Variants in FLVCR2 observed in about 807,000 individuals in gnomAD.
The protein encoded by FLVCR2 is choline/ethanolamine transporter FLVCR2.
Under a neutral mutation model 48.9 loss-of-function variants are expected in FLVCR2, and 38 were observed. The ratio of observed to expected loss-of-function variants is 0.78; its 90% CI spans 0.60 to 1.02. The LOEUF (loss-of-function observed/expected upper bound fraction) is 1.02, where lower values mean the gene tolerates loss of function less well. Ranked by LOEUF, FLVCR2 falls within the 50% of genes least tolerant of loss-of-function variation. The pLI is 0.00. For missense variants in FLVCR2, 664 were observed against 663.3 expected, an observed-to-expected ratio of 1.00 and a Z score of -0.01; for synonymous variants, 255 against 257.0, an observed-to-expected ratio of 0.99 and a Z score of 0.07.
At chr14:75,630,686 A>G (rs547383628) in intron 3 of FLVCR2, among the ~76,000 whole-genome samples, 1 of 152,284 alleles carries the variant, frequency 6.6e-6, no homozygotes, top group Admixed American at 6.5e-5. Flanking sequence ...CGAGACCCCA[A>G]AGAAATTTTT....
At chr14:75,623,204 G>A (rs1467141982) in intron 2 of FLVCR2, among the ~76,000 whole-genome samples, 2 of 151,944 alleles carry the variant, frequency 1.3e-5, no homozygotes, top group African/African-American at 4.8e-5. Flanking sequence ...CTGGTCTCGA[G>A]CTCCTGACCT....
intron 1 of FLVCR2, among the ~76,000 whole-genome samples, chr14:75,596,710 A>G (rs1889029196): frequency 6.6e-6 from 1 of 150,658 alleles, no homozygotes; most frequent in African/African-American, 2.4e-5. Context: ...CATTACCACT[A>G]TTTATACCCA....
chr14:75,620,469 T>C (rs1594806381), intron 1 of FLVCR2, among the ~76,000 whole-genome samples: 1 of 152,238 alleles, frequency 6.6e-6, no homozygotes, highest in South Asian at 2.1e-4. Flanking sequence ...CCTGTAATTA[T>C]TGGGTTTGTA....
chr14:75,606,397 C>G (rs1237639243), intron 1 of FLVCR2, among the ~76,000 whole-genome samples: 1 of 152,196 alleles, frequency 6.6e-6, no homozygotes, highest in Non-Finnish European at 1.5e-5. Context: ...TTTGAGCAAT[C>G]TAGGCCTCCT....
chr14:75,608,204 G>A lies in FLVCR2; in HGVS notation c.670-13875G>A, dbSNP rs558292436. On this transcript the variant is annotated intron_variant, in intron 1 of 9. Transcript: ENST00000238667. ...GGCTCAGCACTCCTGCCTTTACACC[G>A]GCTCATGGTTCAGGATAAGCTCCAT... Among the ~76,000 whole-genome samples the A allele has an allele frequency of 7.1e-4, 108 of 152,284 alleles. 2 individuals are homozygous for A. The highest frequency in any genetic ancestry group is 1.9e-4 in the Non-Finnish European group (13 of 68,016).
Position 75,579,617 on chromosome 14 carries a change from C to A in FLVCR2, c.645C>A (p.Cys215Ter). The change falls in exon 1 of 10, where the codon TGC becomes TGA. Residue 215 changes from cysteine (C) to a stop codon, truncating the protein, a stop_gained. Coordinates refer to ENST00000238667, the MANE Select transcript of FLVCR2 (RefSeq NM_017791.3). LOFTEE classifies it high-confidence loss of function. ...GGGCTAATGAGGTTTCAACAGCCTG[C>A]TCCGTGGCTGTCTTTGGCAATCAGG... ...WFGANEVSTA[C>*]SVAVFGNQLG... The A allele has an allele frequency of 6.2e-7, 1 of 1,614,136 alleles. No individual in the cohort carries two copies. Among genetic ancestry groups the A allele is most frequent in the Non-Finnish European group, 8.5e-7 (1 of 1,180,024 alleles).
At chr14:75,599,335 C>G (rs76750944) in intron 1 of FLVCR2, among the ~76,000 whole-genome samples, 1 of 150,814 alleles carries the variant, frequency 6.6e-6, no homozygotes, top group African/African-American at 2.4e-5. Flanking sequence ...CACCCCCCCC[C>G]AAAAAATTAA....
chr14:75,593,583 G>A (rs1050270188), intron 1 of FLVCR2, among the ~76,000 whole-genome samples: 1 of 152,144 alleles, frequency 6.6e-6, no homozygotes, highest in Non-Finnish European at 1.5e-5. Context: ...AGCTGGTGGA[G>A]GATCCTCCCC....
At chr14:75,643,161 C>G (rs1890342459) in intron 9 of FLVCR2, among the ~76,000 whole-genome samples, 1 of 152,216 alleles carries the variant, frequency 6.6e-6, no homozygotes, top group African/African-American at 2.4e-5. Context: ...TGTACCTGGC[C>G]TACAACATAC....
In FLVCR2 at chr14:75,591,626, C is replaced by T. The variant is rs184773552; in HGVS notation, c.669+11985C>T. Among the ~76,000 whole-genome samples, 243 of 152,210 alleles carry T rather than the reference C, an allele frequency of 1.6e-3. 4 individuals are homozygous for T. Among genetic ancestry groups the T allele is most frequent in the Admixed American group, 0.012 (182 of 15,278 alleles). Reference sequence around the variant, plus strand: ...TGACTTTAGCATTTTGGGGTCCTTGCGGTGGCCCTACTCTTGTGGCTCCAC... The same window carrying T: ...TGACTTTAGCATTTTGGGGTCCTTGTGGTGGCCCTACTCTTGTGGCTCCAC... On this transcript the variant is annotated intron_variant, in intron 1 of 9. Transcript: ENST00000238667.
chr14:75,631,428 C>G (rs1021096022), intron 3 of FLVCR2, among the ~76,000 whole-genome samples: 1 of 152,144 alleles, frequency 6.6e-6, no homozygotes, highest in African/African-American at 2.4e-5. Context: ...CCATTGAGCC[C>G]CAGAAAAACC....
chr14:75,585,879 A>G (rs1449080757), intron 1 of FLVCR2, among the ~76,000 whole-genome samples: 1 of 152,154 alleles, frequency 6.6e-6, no homozygotes, highest in Admixed American at 6.5e-5. Flanking sequence ...AGAGAGGAAG[A>G]TTGAAGGGTA....
chr14:75,604,831 G>A (rs1889251471), intron 1 of FLVCR2, among the ~76,000 whole-genome samples: 1 of 152,176 alleles, frequency 6.6e-6, no homozygotes, highest in Non-Finnish European at 1.5e-5. Flanking sequence ...AAGTATCCCA[G>A]TAGTATCCTG....
At chr14:75,595,643 A>G (rs1451023869) in intron 1 of FLVCR2, among the ~76,000 whole-genome samples, 5 of 152,224 alleles carry the variant, frequency 3.3e-5, no homozygotes, top group Non-Finnish European at 5.9e-5. Flanking sequence ...TTTTGTTCAC[A>G]TCTATTGATT....
Position 75,578,804 on chromosome 14 carries a change from G to C in FLVCR2, c.-169G>C, listed in dbSNP as rs1320007779. On this transcript the variant is annotated 5_prime_UTR_variant, in exon 1 of 10. Coordinates refer to ENST00000238667, the MANE Select transcript of FLVCR2 (RefSeq NM_017791.3). The stretch of plus-strand genomic sequence containing the variant: ...AAGCAAAAGTGGGAGCAGGAGCTTG[G>C]AGGTGAGCACAGGAAGCCCCACTTG... The C allele has an allele frequency of 1.5e-6, 1 of 672,590 alleles. No individual in the cohort carries two copies. Among genetic ancestry groups the C allele is most frequent in the Non-Finnish European group, 2.6e-6 (1 of 384,084 alleles). The allele number at this position is 672,590 out of a possible 1,614,324, so 41.7% of individuals were successfully genotyped here.
intron 1 of FLVCR2, among the ~76,000 whole-genome samples, chr14:75,601,866 C>T (rs1036419480): frequency 1.3e-5 from 2 of 152,044 alleles, no homozygotes; most frequent in Admixed American, 6.5e-5. Flanking sequence ...TATACATATA[C>T]GTTGTTATAT....
chr14:75,592,417 T>C (rs906457694), intron 1 of FLVCR2, among the ~76,000 whole-genome samples: 1 of 152,148 alleles, frequency 6.6e-6, no homozygotes, highest in African/African-American at 2.4e-5. Flanking sequence ...GGAATGGCCT[T>C]AGACTTTTGA....
intron 1 of FLVCR2, among the ~76,000 whole-genome samples, chr14:75,591,229 G>C (rs1888869210): frequency 6.6e-6 from 1 of 152,068 alleles, no homozygotes; most frequent in African/African-American, 2.4e-5. Flanking sequence ...TTTTTGTAGA[G>C]ACGGAGTTTC....
intron 1 of FLVCR2, among the ~76,000 whole-genome samples, chr14:75,616,026 C>CAAAAAAAAA (rs10629813): frequency 0.014 from 349 of 25,630 alleles, 117 homozygotes; most frequent in African/African-American, 0.019. Flanking sequence ...GACTCCATCT[C>CAAAAAAAAA]AAAAAAAAAA....
Sources: gnomAD v4.1 joint callset for allele counts (sites outside exome capture counted in the v4.1 genomes callset) on GRCh38, gnomAD v4.1.1 for gene constraint, MANE v1.5 for transcripts, NCBI Gene and HGNC (gene_info 2026-07-23, HGNC 2026-07-21) for gene names.